Variants in HDGFL3 observed in about 807,000 individuals in gnomAD.
The protein encoded by HDGFL3 is HDGF like 3.
Under a neutral mutation model 27.6 loss-of-function variants are expected in HDGFL3, and 6 were observed. The observed-to-expected ratio is 0.22, with a 90% CI of 0.12 to 0.43. The LOEUF (loss-of-function observed/expected upper bound fraction) is 0.43, where lower values mean the gene tolerates loss of function less well. Ranked by LOEUF, HDGFL3 falls within the 20% of genes least tolerant of loss-of-function variation. HDGFL3 has a pLI of 1.00. For missense variants in HDGFL3, 207 were observed against 250.1 expected, an observed-to-expected ratio of 0.83 and a Z score of 1.16; for synonymous variants, 88 against 88.9, an observed-to-expected ratio of 0.99 and a Z score of 0.05.
chr15:83,177,841 CAGTT>C (rs2151414035), intron 1 of HDGFL3, among the ~76,000 whole-genome samples: 1 of 152,284 alleles, frequency 6.6e-6, no homozygotes, highest in South Asian at 2.1e-4. Context: ...CATAATTTCT[CAGTT>C]ACTTAACTCT....
chr15:83,189,163 A>G (rs1037738478), intron 1 of HDGFL3, among the ~76,000 whole-genome samples: 2 of 151,878 alleles, frequency 1.3e-5, no homozygotes, highest in Admixed American at 6.6e-5. Context: ...AAGCCTACCA[A>G]CTGGGCCCTT....
In HDGFL3 at chr15:83,134,163, C is replaced by T. The variant is rs1294233605; in HGVS notation, c.*5107G>A. On this transcript the variant is annotated 3_prime_UTR_variant, in exon 6 of 6. Transcript: ENST00000299633. The stretch of plus-strand genomic sequence containing the variant: ...AGCTCTAACAATGTGACAGGTGCCA[C>T]ACAAAACATTAGACACAGTACCTGC... 2.0e-5 allele frequency: 3 copies of T among 152,068 alleles called. No individual in the cohort carries two copies. The highest frequency in any genetic ancestry group is 7.2e-5 in the African/African-American group (3 of 41,408). The allele number at this position is 152,068 out of a possible 1,614,324, so 9.4% of individuals were successfully genotyped here.
intron 4 of HDGFL3, among the ~76,000 whole-genome samples, chr15:83,156,701 CTTTT>C (rs963018911): frequency 1.3e-5 from 2 of 148,910 alleles, no homozygotes; most frequent in Admixed American, 1.3e-4. Context: ...TGATGCATTT[CTTTT>C]TTTTTTGAGA....
intron 2 of HDGFL3, among the ~76,000 whole-genome samples, chr15:83,159,579 G>T (rs1184792127): frequency 6.6e-6 from 1 of 152,158 alleles, no homozygotes; most frequent in South Asian, 2.1e-4. Flanking sequence ...AGCAGAGAAG[G>T]ATGGGAAGAA....
At chr15:83,174,879 T>C (rs551148482) in intron 1 of HDGFL3, among the ~76,000 whole-genome samples, 4 of 152,232 alleles carry the variant, frequency 2.6e-5, no homozygotes, top group African/African-American at 7.2e-5. Context: ...AGGTTGCAAA[T>C]TGGTGGCCCT....
chr15:83,182,774 ACT>A (rs1336498296), intron 1 of HDGFL3, among the ~76,000 whole-genome samples: 8 of 152,124 alleles, frequency 5.3e-5, no homozygotes, highest in Non-Finnish European at 1.0e-4. Context: ...TAAATATTAA[ACT>A]CTAGTTAGTT....
rs2036958563 is a variant in HDGFL3 at position 83,151,112 on chromosome 15, C to G, written c.606+103G>C. On this transcript the variant is annotated intron_variant, in intron 5 of 5. Coordinates refer to ENST00000299633, the MANE Select transcript of HDGFL3 (RefSeq NM_016073.4). The stretch of plus-strand genomic sequence containing the variant: ...CATATAATAGGCTGAGAATACTTCT[C>G]CATTTATCAACACAATGTTTACTAA... 8.4e-6 allele frequency: 9 copies of G among 1,065,214 alleles called. No individual in the cohort carries two copies. The East Asian group carries it at 2.2e-4, about 26-fold the overall frequency. 66.0% of individuals were successfully genotyped at this position (1,065,214 alleles called of 1,614,324 possible).
chr15:83,123,480 T>C (rs2035457046), downstream of HDGFL3, among the ~76,000 whole-genome samples: 1 of 152,242 alleles, frequency 6.6e-6, no homozygotes, highest in Admixed American at 6.5e-5. Flanking sequence ...TTTACTTTTC[T>C]AGGTATTAGA....
chr15:83,193,413 G>GA (rs890702424), intron 1 of HDGFL3, among the ~76,000 whole-genome samples: 11 of 151,786 alleles, frequency 7.2e-5, no homozygotes, highest in East Asian at 5.8e-4. Context: ...TTCCTACTTT[G>GA]AAAAAAAACA....
At chr15:83,172,866 C>T (rs952688287) in intron 1 of HDGFL3, among the ~76,000 whole-genome samples, 6 of 151,090 alleles carry the variant, frequency 4.0e-5, no homozygotes, top group African/African-American at 1.5e-4. Context: ...TACTATTCAT[C>T]AAGCGGGAGT....
Position 83,129,454 on chromosome 15 carries a change from A to T in HDGFL3, c.*9816T>A, listed in dbSNP as rs2151379606. The T allele has an allele frequency of 2.0e-5, 3 of 152,338 alleles. No homozygotes were observed. In the Middle Eastern group the frequency reaches 0.01, roughly 518 times the overall value. The allele number at this position is 152,338 out of a possible 1,614,324, so 9.4% of individuals were successfully genotyped here. A position where few individuals can be genotyped will look rare whatever the true frequency, so the allele number is the denominator to read the frequency against. On this transcript the variant is annotated 3_prime_UTR_variant, in exon 6 of 6. Coordinates refer to ENST00000299633, the MANE Select transcript of HDGFL3 (RefSeq NM_016073.4). The stretch of plus-strand genomic sequence containing the variant: ...TGCCTGCCTCAGAATAAACAGCACA[A>T]TGGACACATAATAATATCTTTTGTA...
At chr15:83,166,727 T>C (rs2037175792) in intron 1 of HDGFL3, among the ~76,000 whole-genome samples, 4 of 152,020 alleles carry the variant, frequency 2.6e-5, no homozygotes, top group Admixed American at 2.6e-4. Flanking sequence ...AAACTTACAA[T>C]CATGGTGGAA....
chr15:83,144,979 A>G, intron 5 of HDGFL3: 1 of 156,752 alleles, frequency 6.4e-6, no homozygotes, highest in Non-Finnish European at 1.4e-5. Flanking sequence ...AAGGAACTCC[A>G]AGCATTCTAG....
At chr15:83,152,749 A>G (rs2036979116) in intron 4 of HDGFL3, among the ~76,000 whole-genome samples, 1 of 151,872 alleles carries the variant, frequency 6.6e-6, no homozygotes, top group African/African-American at 2.4e-5. Flanking sequence ...ATATAATTAA[A>G]CTGTTTCTAT....
intron 4 of HDGFL3, among the ~76,000 whole-genome samples, chr15:83,152,702 A>G (rs1220955522): frequency 1.3e-5 from 2 of 151,506 alleles, no homozygotes; most frequent in African/African-American, 4.8e-5. Flanking sequence ...AAAAAAAACA[A>G]AAAAAGAGAA....
At chr15:83,183,726 C>T (rs1008601228) in intron 1 of HDGFL3, among the ~76,000 whole-genome samples, 98 of 151,334 alleles carry the variant, frequency 6.5e-4, no homozygotes, top group African/African-American at 2.2e-3. Context: ...CCAATGCACT[C>T]CAGCCTGGGC....
intron 1 of HDGFL3, among the ~76,000 whole-genome samples, chr15:83,178,771 AATTC>A (rs2037345057): frequency 1.3e-5 from 2 of 152,142 alleles, no homozygotes; most frequent in Non-Finnish European, 2.9e-5. Context: ...TGTTTCAATT[AATTC>A]ATTATTTATT....
At chr15:83,174,026 T>G (rs1354190038) in intron 1 of HDGFL3, among the ~76,000 whole-genome samples, 2 of 152,212 alleles carry the variant, frequency 1.3e-5, no homozygotes, top group Non-Finnish European at 2.9e-5. Context: ...AGATGGACTT[T>G]CAGTCTAGAA....
chr15:83,126,922 G>A (rs918217072), downstream of HDGFL3: 28 of 1,194,132 alleles, frequency 2.3e-5, no homozygotes, highest in Non-Finnish European at 3.4e-5. Context: ...GCTGGGTGCG[G>A]TGGCTCACGC....
Sources: allele counts gnomAD v4.1 joint callset (sites outside exome capture counted in the v4.1 genomes callset), GRCh38; gene constraint gnomAD v4.1.1; transcripts MANE v1.5; gene names NCBI Gene and HGNC (gene_info 2026-07-23, HGNC 2026-07-21).